The following ZSCAN5A variants were observed in gnomAD, a reference collection of about 807,000 sequenced individuals.
ZSCAN5A encodes the protein zinc finger and SCAN domain containing 5A, also known as zinc finger and SCAN domain-containing protein 5A.
ZSCAN5A carries 12 observed loss-of-function variants against 23.7 expected under a neutral mutation model. The observed-to-expected ratio is 0.51, with a 90% CI of 0.32 to 0.82. The LOEUF (loss-of-function observed/expected upper bound fraction) is 0.82. Among genes scored for constraint, ZSCAN5A ranks in the 40% least tolerant of loss-of-function variants. ZSCAN5A has a pLI of 0.03. For synonymous variants in ZSCAN5A, 257 were observed against 239.9 expected, an observed-to-expected ratio of 1.07 and a Z score of -0.66; for missense variants, 597 against 617.9, an observed-to-expected ratio of 0.97 and a Z score of 0.36.
chr19:56,284,286 A>G (rs2038938077), intron 2 of ZSCAN5A: 1 of 473,174 alleles, frequency 2.1e-6, no homozygotes. Context: ...AGAATGTACA[A>G]CTGGGTTAGA....
chr19:56,246,704 T>C (rs2035927443), intron 2 of ZSCAN5A: 3 of 1,080,526 alleles, frequency 2.8e-6, no homozygotes, highest in Non-Finnish European at 4.2e-6. Flanking sequence ...CCTTATTAAC[T>C]GTTGTGTGTG....
intron 2 of ZSCAN5A, among the ~76,000 whole-genome samples, chr19:56,240,262 A>T: frequency 6.6e-6 from 1 of 152,268 alleles, no homozygotes; most frequent in East Asian, 1.9e-4. Context: ...GCAATATGAC[A>T]AATAATTCAG....
chr19:56,222,516 G>A, intron 5 of ZSCAN5A, 75 bp downstream of exon 5: 1 of 1,571,576 alleles, frequency 6.4e-7, no homozygotes, highest in Non-Finnish European at 8.6e-7. Flanking sequence ...CCCAGGGGAT[G>A]ATAATGCTGG....
At chr19:56,283,078 A>T (rs936416214) in intron 2 of ZSCAN5A, 1 of 152,170 alleles carries the variant, frequency 6.6e-6, no homozygotes, top group African/African-American at 2.4e-5. Context: ...TAGGTGGGGC[A>T]ATCTTAGAGA....
chr19:56,258,452 C>T (rs2036880062), intron 2 of ZSCAN5A, among the ~76,000 whole-genome samples: 1 of 140,066 alleles, frequency 7.1e-6, no homozygotes, highest in African/African-American at 3.0e-5. Flanking sequence ...TTGACAGACA[C>T]ACCTTCCAGT....
chr19:56,235,054 T>A (rs2146531355), intron 2 of ZSCAN5A, among the ~76,000 whole-genome samples: 1 of 139,902 alleles, frequency 7.1e-6, no homozygotes, highest in South Asian at 2.3e-4. Context: ...CACTCCAGCC[T>A]CTGATTGACC....
intron 4 of ZSCAN5A, among the ~76,000 whole-genome samples, chr19:56,223,039 C>G (rs1487559462): frequency 6.6e-6 from 1 of 152,206 alleles, no homozygotes; most frequent in African/African-American, 2.4e-5. Context: ...GCACCTGACA[C>G]TGGAAGGAGC....
chr19:56,271,591 A>G (rs1284213334), intron 2 of ZSCAN5A, among the ~76,000 whole-genome samples: 4 of 152,196 alleles, frequency 2.6e-5, no homozygotes, highest in East Asian at 1.9e-4. Context: ...CCTAGTCTGA[A>G]GGATCGCTGA....
chr19:56,318,337 C>T (rs2041339387), upstream of ZSCAN5A, among the ~76,000 whole-genome samples: 1 of 152,012 alleles, frequency 6.6e-6, no homozygotes, highest in Non-Finnish European at 1.5e-5. Context: ...TTTATAAATG[C>T]ACGTAGCTCA....
In ZSCAN5A at chr19:56,287,672, G is replaced by A. The variant is rs574178239; in HGVS notation, c.-128+25611C>T. On this transcript the variant is annotated intron_variant, in intron 2 of 5. Coordinates refer to ENST00000683990, the MANE Select transcript of ZSCAN5A (RefSeq NM_001322064.3). ...AGGTATAATAACGGCAGGGGGTTGA[G>A]GCAGATGTGGAGGAAGTCACAGACT... Among the ~76,000 whole-genome samples the A allele has an allele frequency of 7.2e-5, 11 of 152,284 alleles. No individual in the cohort carries two copies. In the East Asian group the frequency reaches 1.7e-3, roughly 24 times the overall value.
At chr19:56,341,702 CA>C (rs1175628460) in intron 2 of ZSCAN5A, among the ~76,000 whole-genome samples, 3,847 of 53,802 alleles carry the variant, frequency 0.072, 18 homozygotes, top group African/African-American at 0.13. Context: ...TACCAAAAGG[CA>C]AAAAAAAAAA....
intron 2 of ZSCAN5A, among the ~76,000 whole-genome samples, chr19:56,277,279 A>G (rs977494849): frequency 1.3e-5 from 2 of 152,196 alleles, no homozygotes; most frequent in African/African-American, 4.8e-5. Context: ...AGTGAAGGTA[A>G]TCCTAGCATG....
intron 2 of ZSCAN5A, among the ~76,000 whole-genome samples, chr19:56,239,935 G>A (rs1016881082): frequency 1.3e-5 from 2 of 152,162 alleles, no homozygotes; most frequent in East Asian, 3.9e-4. Context: ...AGGCCGAGGT[G>A]GGCAGATCAC....
At chr19:56,350,152 GA>G (rs968816069) in intron 2 of ZSCAN5A, among the ~76,000 whole-genome samples, 1 of 152,164 alleles carries the variant, frequency 6.6e-6, no homozygotes, top group African/African-American at 2.4e-5. Context: ...ATAATTGCAG[GA>G]AAAATTTAGT....
At position 56,221,697 on chromosome 19, in the gene ZSCAN5A, C is replaced by G; in HGVS notation, c.1369G>C (p.Glu457Gln). Reference sequence around the variant, plus strand: ...TCTCCGGAGTGGATGCGCTGGTGCTCCTTCAGGCTCCCCCTGTAGGTGAAA... The same window carrying G: ...TCTCCGGAGTGGATGCGCTGGTGCTGCTTCAGGCTCCCCCTGTAGGTGAAA... ...KVFTYRGSLKEHQRIHSGEKP... is the reference protein window; with the variant it reads ...KVFTYRGSLKQHQRIHSGEKP... Residue 457 changes from glutamate (E) to glutamine (Q), a missense_variant, in exon 6 of 6, where the codon GAG becomes CAG. Physicochemically the swap from Glu to Gln is conservative, Grantham distance 29. This residue lies in a region of ZSCAN5A where 87 missense variants were observed against 74.4 expected (regional missense o/e 1.17). Transcript: ENST00000683990. 2 of 1,614,200 alleles carry G rather than the reference C, an allele frequency of 1.2e-6. No homozygotes were observed. Among genetic ancestry groups the G allele is most frequent in the Non-Finnish European group, 1.7e-6 (2 of 1,180,042 alleles).
intron 2 of ZSCAN5A, among the ~76,000 whole-genome samples, chr19:56,358,077 A>T (rs2041709475): frequency 6.7e-6 from 1 of 148,950 alleles, no homozygotes; most frequent in South Asian, 2.1e-4. Context: ...TCATAAATAT[A>T]TATTCACCCA....
chr19:56,336,450 C>T (rs1421990447), intron 2 of ZSCAN5A, among the ~76,000 whole-genome samples: 1 of 152,178 alleles, frequency 6.6e-6, no homozygotes, highest in Non-Finnish European at 1.5e-5. Flanking sequence ...CCTTTAAGGA[C>T]TTCTCTGCAT....
At chr19:56,342,767 C>A in intron 2 of ZSCAN5A, 2 of 702,720 alleles carry the variant, frequency 2.8e-6, no homozygotes, top group African/African-American at 3.5e-5. Flanking sequence ...CAACCATCCC[C>A]ACATACACGG....
chr19:56,282,890 T>C (rs952756666), intron 2 of ZSCAN5A: 1 of 152,234 alleles, frequency 6.6e-6, no homozygotes. Context: ...GCCTATTTAA[T>C]AATTCCTAGA....
Sources: gnomAD v4.1 joint callset for allele counts (sites outside exome capture counted in the v4.1 genomes callset) on GRCh38, gnomAD v4.1.1 for gene constraint, gnomAD v4.1.1 regional missense constraint, MANE v1.5 for transcripts, NCBI Gene and HGNC (gene_info 2026-07-23, HGNC 2026-07-21) for gene names.